The following NCBP2 variants were observed in gnomAD, a reference collection of about 807,000 sequenced individuals.
NCBP2 encodes nuclear cap-binding protein subunit 2.
Under a neutral mutation model 21.5 loss-of-function variants are expected in NCBP2, and 8 were observed. That is an observed-to-expected ratio of 0.37 (90% CI 0.22 to 0.67). The LOEUF is 0.67. Ranked by LOEUF, NCBP2 falls within the 30% of genes least tolerant of loss-of-function variation. The pLI, the probability that NCBP2 is intolerant of heterozygous loss-of-function variation, is 0.56. For synonymous variants in NCBP2, 92 were observed against 75.8 expected, an observed-to-expected ratio of 1.21 and a Z score of -1.11; for missense variants, 127 against 206.9, an observed-to-expected ratio of 0.61 and a Z score of 2.37.
Position 196,939,445 on chromosome 3 carries a change from A to G in NCBP2, c.79-13T>C. On this transcript the variant is annotated splice_polypyrimidine_tract_variant and intron_variant, in intron 1 of 3. Coordinates refer to ENST00000321256, the MANE Select transcript of NCBP2 (RefSeq NM_007362.5). Reference sequence around the variant, plus strand: ...CTTCATTGTCACCCTAGAATTTCAAATAGAGACAAAAGTTAAGCAACTTCA... The same window carrying G: ...CTTCATTGTCACCCTAGAATTTCAAGTAGAGACAAAAGTTAAGCAACTTCA... 1 of 1,580,694 alleles carries G rather than the reference A, an allele frequency of 6.3e-7. No individual in the cohort carries two copies. Among genetic ancestry groups the G allele is most frequent in the Non-Finnish European group, 8.6e-7 (1 of 1,161,086 alleles).
intron 2 of NCBP2, 79 bp downstream of exon 2, chr3:196,939,172 G>T: frequency 3.9e-6 from 5 of 1,282,588 alleles, no homozygotes; most frequent in Non-Finnish European, 3.4e-6. Flanking sequence ...ACGTAGGGAC[G>T]AGTGCAGGGA....
intron 2 of NCBP2, 190 bp from the exon 3 acceptor site, chr3:196,937,838 A>G (rs1354097232): frequency 3.2e-6 from 2 of 618,876 alleles, no homozygotes; most frequent in Non-Finnish European, 5.7e-6. Flanking sequence ...TATGACACGT[A>G]TCCATGGCTA....
chr3:196,942,211 C>A, intron 1 of NCBP2: 1 of 1,459,790 alleles, frequency 6.9e-7, no homozygotes, highest in Admixed American at 2.5e-5. Flanking sequence ...ATGGGATAAG[C>A]GAGCCTCCAG....
chr3:196,941,485 AC>A (rs1486400094), intron 1 of NCBP2: 1 of 180,028 alleles, frequency 5.6e-6, no homozygotes, highest in African/African-American at 2.4e-5. Context: ...CTCCACACTT[AC>A]CCTCTGCTAT....
At chr3:196,942,049 C>G in intron 1 of NCBP2, 2 of 1,534,358 alleles carry the variant, frequency 1.3e-6, no homozygotes, top group Non-Finnish European at 1.7e-6. Flanking sequence ...ATCAGGAAGG[C>G]GCCTCTGCCT....
At chr3:196,940,825 G>A (rs1433619927) in intron 1 of NCBP2, among the ~76,000 whole-genome samples, 1 of 152,236 alleles carries the variant, frequency 6.6e-6, no homozygotes, top group Admixed American at 6.5e-5. Flanking sequence ...CTGGCACTTA[G>A]GCATCCCAGC....
At chr3:196,937,364 A>C (rs1281600215) in intron 3 of NCBP2, 146 bp downstream of exon 3, 2 of 1,245,334 alleles carry the variant, frequency 1.6e-6, no homozygotes, top group Admixed American at 4.9e-5. Flanking sequence ...ATTCACCCAA[A>C]CCGTTGGGTG....
At position 196,936,853 on chromosome 3, in the gene NCBP2, T is replaced by C; in HGVS notation, c.*158A>G. Reference sequence around the variant, plus strand: ...TCAGACAAGAATTAAAGGCATTCTTTTGGATTCTGTCCTTTAATAACTTTC... The same window carrying C: ...TCAGACAAGAATTAAAGGCATTCTTCTGGATTCTGTCCTTTAATAACTTTC... On this transcript the variant is annotated 3_prime_UTR_variant, in exon 4 of 4. Coordinates refer to ENST00000321256, the MANE Select transcript of NCBP2 (RefSeq NM_007362.5). 1.5e-6 allele frequency: 1 copy of C among 658,874 alleles called. No individual in the cohort carries two copies. Among genetic ancestry groups the C allele is most frequent in the South Asian group, 1.9e-5 (1 of 53,992 alleles). 40.8% of individuals were successfully genotyped at this position (658,874 alleles called of 1,614,324 possible). A position where few individuals can be genotyped will look rare whatever the true frequency, so the allele number is the denominator to read the frequency against.
intron 1 of NCBP2, among the ~76,000 whole-genome samples, chr3:196,940,463 T>G (rs1232131725): frequency 6.6e-6 from 1 of 152,212 alleles, no homozygotes; most frequent in Admixed American, 6.5e-5. Flanking sequence ...AGTAAATTCC[T>G]TTCATTTTAC....
intron 2 of NCBP2, 149 bp from the exon 3 acceptor site, chr3:196,937,797 T>G (rs1716338128): frequency 9.0e-6 from 8 of 888,854 alleles, no homozygotes; most frequent in South Asian, 1.6e-5. Context: ...CAGGCCTGTT[T>G]GCGATTGGTT....
chr3:196,942,151 C>T, intron 1 of NCBP2: 1 of 1,462,532 alleles, frequency 6.8e-7, no homozygotes, highest in Non-Finnish European at 9.0e-7. Flanking sequence ...CCACCACCAC[C>T]GCTCAAACCT....
At chr3:196,937,877 T>TTGA (rs1236430548) in intron 2 of NCBP2, 1 of 534,146 alleles carries the variant, frequency 1.9e-6, no homozygotes, top group Non-Finnish European at 3.3e-6. Flanking sequence ...GACATTCCTG[T>TTGA]TGATAATTTT....
rs1716252098 is a variant in NCBP2 at position 196,936,142 on chromosome 3, A to T, written c.*869T>A. ...TTGACAACATCTCCCCTACCCCTGA[A>T]ATTATTTAGAGGTTCCCTCTATGAC... On this transcript the variant is annotated 3_prime_UTR_variant, in exon 4 of 4. Coordinates refer to ENST00000321256, the MANE Select transcript of NCBP2 (RefSeq NM_007362.5). The T allele has an allele frequency of 6.6e-6, 1 of 152,150 alleles. No individual in the cohort carries two copies. The highest frequency in any genetic ancestry group is 1.5e-5 in the Non-Finnish European group (1 of 68,030). The allele number at this position is 152,150 out of a possible 1,614,324, so 9.4% of individuals were successfully genotyped here. A position where few individuals can be genotyped will look rare whatever the true frequency, so the allele number is the denominator to read the frequency against.
chr3:196,942,380 C>T (rs759128107), intron 1 of NCBP2, 46 bp downstream of exon 1: 22 of 1,596,660 alleles, frequency 1.4e-5, no homozygotes, highest in Admixed American at 3.5e-5. Flanking sequence ...CGTTTCTCAG[C>T]GTTCTTGCCC....
At chr3:196,942,367 A>T (rs1716637742) in intron 1 of NCBP2, 59 bp downstream of exon 1, 1 of 1,580,974 alleles carries the variant, frequency 6.3e-7, no homozygotes, top group Non-Finnish European at 8.6e-7. Context: ...GACAAGAGCA[A>T]ACCGTTTCTC....
intron 1 of NCBP2, among the ~76,000 whole-genome samples, chr3:196,940,397 T>C (rs1163325063): frequency 6.7e-6 from 1 of 149,128 alleles, no homozygotes; most frequent in Non-Finnish European, 1.5e-5. Context: ...CACAGGACAA[T>C]AGTCATTGTA....
chr3:196,938,969 A>G (rs1716395586), intron 2 of NCBP2: 1 of 332,288 alleles, frequency 3.0e-6, no homozygotes, highest in South Asian at 5.1e-5. Context: ...GGTTTAGAAC[A>G]GTACGAGATT....
chr3:196,937,580 A>C lies in NCBP2; in HGVS notation c.329T>G (p.Ile110Ser). 6.2e-7 allele frequency: 1 copy of C among 1,614,194 alleles called. No individual in the cohort carries two copies. The highest frequency in any genetic ancestry group is 8.5e-7 in the Non-Finnish European group (1 of 1,180,046). ...GCCTGCGTCCCAGTCTGTGCGAATG[A>C]TTCGGTCATCCAGACGCGTCCCATT... ...YINGTRLDDRIIRTDWDAGFK... is the reference protein window; with the variant it reads ...YINGTRLDDRSIRTDWDAGFK... Residue 110 changes from isoleucine to serine, a missense_variant, in exon 3 of 4, where the codon ATC becomes AGC. Physicochemically the swap from Ile to Ser is moderately radical, Grantham distance 142. Transcript: ENST00000321256.
Position 196,939,400 on chromosome 3 carries a change from C to T in NCBP2, c.111G>A (p.Lys37=). The part of the protein sequence containing the change: ...GDNEEQEKLL[K]KSCTLYVGNL... ...TTCCAACATATAACGTACAGCTTTT[C>T]TTCAGTAATTTTTCTTGTTCTTCAT... is the stretch of plus-strand genomic sequence containing the variant. The change falls in exon 2 of 4, where the codon AAG becomes AAA. Residue 37 remains lysine (K), a synonymous_variant. Transcript: ENST00000321256. The T allele has an allele frequency of 2.5e-6, 4 of 1,609,080 alleles. No homozygotes were observed. The highest frequency in any genetic ancestry group is 3.4e-6 in the Non-Finnish European group (4 of 1,177,806).
Sources: gnomAD v4.1 joint callset for allele counts (sites outside exome capture counted in the v4.1 genomes callset) on GRCh38, gnomAD v4.1.1 for gene constraint, MANE v1.5 for transcripts, NCBI Gene and HGNC (gene_info 2026-07-23, HGNC 2026-07-21) for gene names.